TPRG1: variants seen among roughly 807,000 people sequenced by gnomAD.
The protein encoded by TPRG1 is tumor protein p63 regulated 1, also known as tumor protein p63-regulated gene 1 protein.
Under a neutral mutation model 29.3 loss-of-function variants are expected in TPRG1, and 29 were observed. The observed-to-expected ratio is 0.99, with a 90% CI of 0.74 to 1.35. TPRG1 has a LOEUF of 1.35. Ranked by LOEUF, TPRG1 falls within the 40% of genes most tolerant of loss-of-function variation. TPRG1 has a pLI of 0.00. For missense variants in TPRG1, 327 were observed against 335.0 expected, an observed-to-expected ratio of 0.98 and a Z score of 0.19; for synonymous variants, 130 against 116.8, an observed-to-expected ratio of 1.11 and a Z score of -0.73.
At chr3:189,096,553 A>G (rs746724508), upstream of TPRG1, among the ~76,000 whole-genome samples, 6 of 152,328 alleles carry the variant, frequency 3.9e-5, 2 homozygotes, top group Middle Eastern at 0.014. Flanking sequence ...AGTGGTGCTC[A>G]AACATTTTGG....
chr3:189,188,978 G>A (rs1017036263), intron 1 of TPRG1, among the ~76,000 whole-genome samples: 3 of 152,018 alleles, frequency 2.0e-5, no homozygotes, highest in Non-Finnish European at 2.9e-5. Context: ...AATACATTTC[G>A]TTTACAAAAT....
chr3:189,169,291 T>C (rs894173172), upstream of TPRG1, among the ~76,000 whole-genome samples: 5 of 152,086 alleles, frequency 3.3e-5, no homozygotes, highest in Non-Finnish European at 5.9e-5. Flanking sequence ...CAGCCTCCCA[T>C]GTAGCTGGGA....
intron 3 of TPRG1, among the ~76,000 whole-genome samples, chr3:189,006,160 A>T (rs779991303): frequency 6.6e-6 from 1 of 152,064 alleles, no homozygotes; most frequent in Non-Finnish European, 1.5e-5. Context: ...ATCCGCATGC[A>T]GCTTCCCGAT....
At chr3:189,250,221 T>TAG (rs1741951114) in intron 4 of TPRG1, among the ~76,000 whole-genome samples, 1 of 152,134 alleles carries the variant, frequency 6.6e-6, no homozygotes, top group African/African-American at 2.4e-5. Flanking sequence ...GTAAAGGGCT[T>TAG]TCTCTGGCCA....
Position 189,322,786 on chromosome 3 carries a change from AC to A in TPRG1, c.*1968del, listed in dbSNP as rs1724429800. 1 of 152,158 alleles carries A rather than the reference AC, an allele frequency of 6.6e-6. No homozygotes were observed. The highest frequency in any genetic ancestry group is 2.1e-4 in the South Asian group (1 of 4,828). 9.4% of individuals were successfully genotyped at this position (152,158 alleles called of 1,614,324 possible). On this transcript the variant is annotated 3_prime_UTR_variant, in exon 6 of 6. Transcript: ENST00000345063. ...AATGACCTTCTAAAGGACACAGTGC[AC>A]CATCATCAATGGAAACAGTTCAGAA...
At chr3:189,238,691 G>C (rs749812385) in intron 3 of TPRG1, 42 bp from the exon 4 acceptor site, 6 of 1,522,980 alleles carry the variant, frequency 3.9e-6, no homozygotes, top group Non-Finnish European at 4.5e-6. Context: ...TTTTAACTTA[G>C]GCTGTGTCAT....
chr3:189,213,516 C>T (rs866925564), intron 2 of TPRG1, among the ~76,000 whole-genome samples: 1 of 152,168 alleles, frequency 6.6e-6, no homozygotes, highest in South Asian at 2.1e-4. Flanking sequence ...ATAAGAACAG[C>T]ACAGTGAGAA....
At chr3:189,115,089 G>A (rs1721013537) in intron 1 of TPRG1, among the ~76,000 whole-genome samples, 1 of 152,210 alleles carries the variant, frequency 6.6e-6, no homozygotes, top group Non-Finnish European at 1.5e-5. Flanking sequence ...ACAGGTAGAG[G>A]TTGTGGTTGT....
At chr3:189,108,670 T>A (rs1720113572) in intron 1 of TPRG1, among the ~76,000 whole-genome samples, 1 of 152,204 alleles carries the variant, frequency 6.6e-6, no homozygotes, top group African/African-American at 2.4e-5. Context: ...TGTTTCTGCT[T>A]TCTGAAGAAT....
At chr3:189,277,021 G>A (rs1716270118) in intron 4 of TPRG1, among the ~76,000 whole-genome samples, 1 of 151,920 alleles carries the variant, frequency 6.6e-6, no homozygotes, top group South Asian at 2.1e-4. Flanking sequence ...CTCCATTTCT[G>A]TCTCCACTAT....
intron 3 of TPRG1, chr3:189,219,746 G>A (rs554183791): frequency 8.7e-7 from 1 of 1,148,286 alleles, no homozygotes; most frequent in African/African-American, 1.7e-5. Context: ...TTAGTGTGAA[G>A]TGGTGGTGGG....
chr3:189,271,022 C>T (rs1306545515), intron 4 of TPRG1, among the ~76,000 whole-genome samples: 1 of 152,190 alleles, frequency 6.6e-6, no homozygotes, highest in African/African-American at 2.4e-5. Flanking sequence ...GGTACACACA[C>T]AAACACACAC....
chr3:189,101,083 C>G (rs1326853249), intron 1 of TPRG1, among the ~76,000 whole-genome samples: 1 of 152,220 alleles, frequency 6.6e-6, no homozygotes, highest in East Asian at 1.9e-4. Context: ...TACAGCTCCT[C>G]TCTCACATAC....
intron 4 of TPRG1, among the ~76,000 whole-genome samples, chr3:189,042,159 T>TA (rs535411801): frequency 1.1e-4 from 17 of 151,420 alleles, no homozygotes; most frequent in South Asian, 2.1e-4. Context: ...TTTTAGAAAT[T>TA]AAAAAAAAAT....
chr3:189,048,001 A>G (rs1259861015), intron 4 of TPRG1, among the ~76,000 whole-genome samples: 3 of 152,196 alleles, frequency 2.0e-5, no homozygotes, highest in East Asian at 1.9e-4. Context: ...ACTTCTTCCC[A>G]TGAATCATGA....
At chr3:189,021,926 C>T (rs1287559862) in intron 3 of TPRG1, among the ~76,000 whole-genome samples, 1 of 152,084 alleles carries the variant, frequency 6.6e-6, no homozygotes, top group Admixed American at 6.6e-5. Flanking sequence ...AGGCTTTGCT[C>T]GTTTCTTTTT....
chr3:189,005,992 C>G (rs539158479), intron 3 of TPRG1, among the ~76,000 whole-genome samples: 7 of 152,220 alleles, frequency 4.6e-5, no homozygotes, highest in African/African-American at 1.7e-4. Context: ...GTAATGGTAG[C>G]TGCTATTATT....
chr3:189,025,872 C>T (rs770749318), intron 4 of TPRG1, among the ~76,000 whole-genome samples: 8 of 152,102 alleles, frequency 5.3e-5, no homozygotes, highest in Non-Finnish European at 1.0e-4. Context: ...AGAAAAAGTG[C>T]AAAATGGTGG....
chr3:189,259,775 G>GT lies in TPRG1; in HGVS notation c.479+20872dup, dbSNP rs545906715. Among the ~76,000 whole-genome samples, 170 of 152,134 alleles carry GT rather than the reference G, an allele frequency of 1.1e-3. 1 individual carries two copies. Among genetic ancestry groups the GT allele is most frequent in the African/African-American group, 3.9e-3 (162 of 41,518 alleles). ...GCAAACCACCATGTCTGGCCTATTT[G>GT]TTTTTTATGCCCATAAGAAACAACA... On this transcript the variant is annotated intron_variant, in intron 4 of 5. Coordinates refer to ENST00000345063, the MANE Select transcript of TPRG1 (RefSeq NM_198485.4).
Sources: gnomAD v4.1 joint callset for allele counts (sites outside exome capture counted in the v4.1 genomes callset) on GRCh38, gnomAD v4.1.1 for gene constraint, MANE v1.5 for transcripts, NCBI Gene and HGNC (gene_info 2026-07-23, HGNC 2026-07-21) for gene names.